Variants in NECTIN1 observed in about 807,000 individuals in gnomAD.
NECTIN1 encodes the protein nectin cell adhesion molecule 1.
A neutral mutation model predicts 48.0 loss-of-function variants in NECTIN1; 23 were observed. The ratio of observed to expected loss-of-function variants is 0.48; its 90% CI spans 0.34 to 0.68. The LOEUF is 0.68. Among genes scored for constraint, NECTIN1 ranks in the 30% least tolerant of loss-of-function variants. NECTIN1 has a pLI of 0.01. For synonymous variants in NECTIN1, 270 were observed against 288.9 expected (o/e 0.93, Z 0.66); for missense variants, 591 against 709.9 (o/e 0.83, Z 1.90).
rs114498784 is a variant in NECTIN1, at chr11:119,675,630, C to T, written c.852-320G>A. 2.3e-3 allele frequency: 730 copies of T among 318,432 alleles called. 5 individuals are homozygous for T. The highest frequency in any genetic ancestry group is 0.014 in the African/African-American group (677 of 47,068). The allele number at this position is 318,432 out of a possible 1,614,324, so 19.7% of individuals were successfully genotyped here. On this transcript the variant is annotated intron_variant, in intron 4 of 5. Coordinates refer to ENST00000264025, the MANE Select transcript of NECTIN1 (RefSeq NM_002855.5). The stretch of plus-strand genomic sequence containing the variant: ...CAGCATGGGAGCTCCAGCCAATTCT[C>T]GGGACTCCTGGTAAAGTGCTCTTTC...
At position 119,664,592 on chromosome 11, in the gene NECTIN1, C is replaced by G. The variant is rs1208739279; in HGVS notation, c.*155G>C. ...AACACAAAGCCAAGTCGTGGCTGCC[C>G]TGGGCTCCCCTGGCCCCCCAGGAGT... On this transcript the variant is annotated 3_prime_UTR_variant, in exon 6 of 6. Coordinates refer to ENST00000264025, the MANE Select transcript of NECTIN1 (RefSeq NM_002855.5). 1 of 1,438,800 alleles carries G rather than the reference C, an allele frequency of 7.0e-7. No homozygotes were observed. 89.1% of individuals were successfully genotyped at this position (1,438,800 alleles called of 1,614,324 possible). A position where few individuals can be genotyped will look rare whatever the true frequency, so the allele number is the denominator to read the frequency against.
chr11:119,701,002 C>T (rs1387924374), intron 1 of NECTIN1, among the ~76,000 whole-genome samples: 4 of 152,174 alleles, frequency 2.6e-5, no homozygotes, highest in East Asian at 1.9e-4. Flanking sequence ...GACTCCCAGC[C>T]GTGAGTCAGG....
intron 1 of NECTIN1, among the ~76,000 whole-genome samples, chr11:119,702,376 C>T (rs142245059): frequency 6.6e-6 from 1 of 152,370 alleles, no homozygotes; most frequent in East Asian, 1.9e-4. Context: ...TTTCCCTAAG[C>T]CTTTTGATAC....
chr11:119,685,472 G>T (rs770349038), intron 1 of NECTIN1, among the ~76,000 whole-genome samples: 1 of 152,222 alleles, frequency 6.6e-6, no homozygotes, highest in Non-Finnish European at 1.5e-5. Flanking sequence ...CTGCCCCGGC[G>T]TGGCAGCAGT....
intron 1 of NECTIN1, among the ~76,000 whole-genome samples, chr11:119,720,573 G>T (rs1207366594): frequency 6.6e-6 from 1 of 152,270 alleles, no homozygotes; most frequent in East Asian, 1.9e-4. Flanking sequence ...TTTGGGCGTG[G>T]TGCTCATTTT....
Position 119,677,433 on chromosome 11 carries a change from G to C in NECTIN1, c.733+122C>G, listed in dbSNP as rs999960390. The C allele has an allele frequency of 2.0e-5, 24 of 1,188,298 alleles. No individual in the cohort carries two copies. The highest frequency in any genetic ancestry group is 2.7e-5 in the Non-Finnish European group (22 of 808,236). The allele number at this position is 1,188,298 out of a possible 1,614,324, so 73.6% of individuals were successfully genotyped here. ...AGAAAACGAGCAAAGGGAGGAGATA[G>C]GGGAGACAGGAGGGGAGAAGAAAGC... On this transcript the variant is annotated intron_variant, in intron 3 of 5. Coordinates refer to ENST00000264025, the MANE Select transcript of NECTIN1 (RefSeq NM_002855.5). The surrounding 1 kb of genome is among the most constrained non-coding windows in gnomAD (Gnocchi z 5.4).
intron 1 of NECTIN1, among the ~76,000 whole-genome samples, chr11:119,707,057 G>T (rs1345426415): frequency 6.6e-6 from 1 of 152,162 alleles, no homozygotes; most frequent in East Asian, 1.9e-4. Context: ...CTTCCATCTG[G>T]CAAGGGAAGT....
chr11:119,673,724 A>G lies in NECTIN1; in HGVS notation c.1003+1435T>C, dbSNP rs1280229475. Among the ~76,000 whole-genome samples, 1 of 150,512 alleles carries G rather than the reference A, an allele frequency of 6.6e-6. No homozygotes were observed. The highest frequency in any genetic ancestry group is 2.0e-4 in the East Asian group (1 of 5,120). On this transcript the variant is annotated intron_variant, in intron 5 of 5. Coordinates refer to ENST00000264025, the MANE Select transcript of NECTIN1 (RefSeq NM_002855.5). The surrounding 1 kb of genome is among the most constrained non-coding windows in gnomAD (Gnocchi z 5.8). ...ATGGAACACAGGCCCTGCCCTTCCC[A>G]CCTCCCCCTTGACTCCCCCAGTATC... is the stretch of plus-strand genomic sequence containing the variant.
intron 1 of NECTIN1, among the ~76,000 whole-genome samples, chr11:119,698,108 G>A (rs940347770): frequency 1.2e-4 from 19 of 152,270 alleles, no homozygotes; most frequent in African/African-American, 4.1e-4. Flanking sequence ...TGCCCTGCCT[G>A]ACATGCTGCC....
At chr11:119,713,962 T>C (rs768707410) in intron 1 of NECTIN1, 2 of 432,756 alleles carry the variant, frequency 4.6e-6, no homozygotes, top group African/African-American at 4.0e-5. Flanking sequence ...CTCCTGGGCT[T>C]TGGGGGCAAG....
chr11:119,661,499 G>A lies in NECTIN1; in HGVS notation c.*3248C>T, dbSNP rs1864664284. The A allele has an allele frequency of 3.0e-6, 3 of 985,852 alleles. No homozygotes were observed. Among genetic ancestry groups the A allele is most frequent in the Non-Finnish European group, 2.4e-6 (2 of 830,058 alleles). The allele number at this position is 985,852 out of a possible 1,614,324, so 61.1% of individuals were successfully genotyped here. A position where few individuals can be genotyped will look rare whatever the true frequency, so the allele number is the denominator to read the frequency against. ...GTTTCTGTTGGCAGTCAGGCTTTGG[G>A]GGTCTCTGTCTGGACTCCTGAGGCC... On this transcript the variant is annotated 3_prime_UTR_variant, in exon 6 of 6. Coordinates refer to ENST00000264025, the MANE Select transcript of NECTIN1 (RefSeq NM_002855.5).
At chr11:119,658,825 C>T (rs1253836799), downstream of NECTIN1, among the ~76,000 whole-genome samples, 1 of 152,200 alleles carries the variant, frequency 6.6e-6, no homozygotes, top group Non-Finnish European at 1.5e-5. Context: ...CCCTGGGTTC[C>T]TCCCCTCCTG....
In NECTIN1 at chr11:119,663,616, C is replaced by A; in HGVS notation, c.*1131G>T. On this transcript the variant is annotated 3_prime_UTR_variant, in exon 6 of 6. Transcript: ENST00000264025. ...CCATGTGGGCTTCCTTCCCCACTAC[C>A]CTCCGTGTGGATGCTTCTTTACCTC... The A allele has an allele frequency of 1.0e-6, 1 of 985,666 alleles. No homozygotes were observed. Among genetic ancestry groups the A allele is most frequent in the Non-Finnish European group, 1.2e-6 (1 of 829,980 alleles). The allele number at this position is 985,666 out of a possible 1,614,324, so 61.1% of individuals were successfully genotyped here.
At position 119,677,195 on chromosome 11, in the gene NECTIN1, C is replaced by T. The variant is rs751116909; in HGVS notation, c.758G>A (p.Gly253Glu). The stretch of plus-strand genomic sequence containing the variant: ...CTGCAGGTACCAGTTGCCATCAAAC[C>T]CCTCAATGGTTACCTCAGGCTCATC... ...VQYEPEVTIE[G>E]FDGNWYLQRM... The change falls in exon 4 of 6, where the codon GGG (glycine) becomes GAG (glutamate). Residue 253 changes from glycine (G) to glutamate (E), a missense_variant. Gly to Glu is a moderately conservative substitution (Grantham distance 98). Coordinates refer to ENST00000264025, the MANE Select transcript of NECTIN1 (RefSeq NM_002855.5). This position sits in a 1 kb window ranked among gnomAD's most constrained non-coding sequence, Gnocchi z 5.4. 8 of 1,614,104 alleles carry T rather than the reference C, an allele frequency of 5.0e-6. No individual in the cohort carries two copies. The highest frequency in any genetic ancestry group is 5.1e-6 in the Non-Finnish European group (6 of 1,180,002).
chr11:119,646,069 C>T (rs1018068037), intron 5 of NECTIN1, among the ~76,000 whole-genome samples: 4 of 152,194 alleles, frequency 2.6e-5, no homozygotes, highest in Admixed American at 6.5e-5. Flanking sequence ...GTTGGGCTCC[C>T]GGTCTCTTCC....
chr11:119,678,363 C>A lies in NECTIN1; in HGVS notation c.430+52G>T. ...TGAGGCATCCTGAGGATGGCCACGC[C>A]CCGAGGTCACAGGCCTCTGGATGAA... On this transcript the variant is annotated intron_variant, in intron 2 of 5. Transcript: ENST00000264025. The surrounding 1 kb of genome is among the most constrained non-coding windows in gnomAD (Gnocchi z 4.4). The A allele has an allele frequency of 6.5e-7, 1 of 1,540,422 alleles. No individual in the cohort carries two copies.
intron 1 of NECTIN1, among the ~76,000 whole-genome samples, chr11:119,691,878 C>T (rs927593909): frequency 6.6e-6 from 1 of 152,188 alleles, no homozygotes; most frequent in African/African-American, 2.4e-5. Flanking sequence ...CCCTTCCTCC[C>T]TCTTTCTCAG....
chr11:119,678,527 A>T lies in NECTIN1; in HGVS notation c.318T>A (p.Asp106Glu). The stretch of plus-strand genomic sequence containing the variant: ...CCAGGCGGGAGAGGCGGATAGTGCC[A>T]TCGGTGAAGGAGGGCCGCAGGAATT... ...RVEFLRPSFT[D>E]GTIRLSRLEL... Residue 106 changes from aspartate (D) to glutamate (E), a missense_variant, in exon 2 of 6, where the codon GAT becomes GAA. Coordinates refer to ENST00000264025, the MANE Select transcript of NECTIN1 (RefSeq NM_002855.5). The surrounding 1 kb of genome is among the most constrained non-coding windows in gnomAD (Gnocchi z 4.4). The T allele has an allele frequency of 6.2e-7, 1 of 1,614,206 alleles. No homozygotes were observed. The highest frequency in any genetic ancestry group is 2.2e-5 in the East Asian group (1 of 44,886).
In NECTIN1 at chr11:119,664,396, G is replaced by C; in HGVS notation, c.*351C>G. On this transcript the variant is annotated 3_prime_UTR_variant, in exon 6 of 6. Transcript: ENST00000264025. ...AAACAAATTCCAGTGTAGGGGGGCG[G>C]GGGAGGCTGGCTCCCCAAACCCTGG... is the stretch of plus-strand genomic sequence containing the variant. 1 of 1,083,442 alleles carries C rather than the reference G, an allele frequency of 9.2e-7. No individual in the cohort carries two copies. Among genetic ancestry groups the C allele is most frequent in the Non-Finnish European group, 1.1e-6 (1 of 891,480 alleles). 67.1% of individuals were successfully genotyped at this position (1,083,442 alleles called of 1,614,324 possible).
Sources: gnomAD v4.1 joint callset for allele counts (sites outside exome capture counted in the v4.1 genomes callset) on GRCh38, gnomAD v4.1.1 for gene constraint, Gnocchi (gnomAD v3.1) non-coding constraint, MANE v1.5 for transcripts, NCBI Gene and HGNC (gene_info 2026-07-23, HGNC 2026-07-21) for gene names.